The following SHROOM3 variants were observed in gnomAD, a reference collection of about 807,000 sequenced individuals.
SHROOM3 encodes shroom family member 3.
SHROOM3 carries 47 observed loss-of-function variants against 138.6 expected under a neutral mutation model. That is an observed-to-expected ratio of 0.34 (90% CI 0.27 to 0.43). The LOEUF is 0.43. Ranked by LOEUF, SHROOM3 falls within the 20% of genes least tolerant of loss-of-function variation. The probability of loss-of-function intolerance (pLI) is 1.00; values close to 1 mark genes in which losing one functional copy is unlikely to be tolerated. For missense variants in SHROOM3, 2,491 were observed against 2,596.5 expected, an observed-to-expected ratio of 0.96 and a Z score of 0.88; for synonymous variants, 1,062 against 1,063.3, an observed-to-expected ratio of 1.00 and a Z score of 0.02.
At chr4:76,639,510 C>G in intron 2 of SHROOM3, 1 of 398,486 alleles carries the variant, frequency 2.5e-6, no homozygotes. Context: ...TTCCTCTTCC[C>G]TCTGGGCTGC....
rs565223552 is a variant in SHROOM3, at chr4:76,475,999, C to A, written c.168+39779C>A. Reference sequence around the variant, plus strand: ...TACTGTTTTTTAAAAAAATTCTGTTCTAGAAATCACATGAAACAATCCTAC... The same window carrying A: ...TACTGTTTTTTAAAAAAATTCTGTTATAGAAATCACATGAAACAATCCTAC... On this transcript the variant is annotated intron_variant, in intron 1 of 10. Coordinates refer to ENST00000296043, the MANE Select transcript of SHROOM3 (RefSeq NM_020859.4). Among the ~76,000 whole-genome samples, 15 of 152,300 alleles carry A rather than the reference C, an allele frequency of 9.8e-5. No homozygotes were observed. The East Asian group carries it at 2.7e-3, about 27-fold the overall frequency.
intron 3 of SHROOM3, among the ~76,000 whole-genome samples, chr4:76,718,191 G>T (rs552132713): frequency 6.6e-6 from 1 of 152,146 alleles, no homozygotes; most frequent in Non-Finnish European, 1.5e-5. Context: ...TCTATATATA[G>T]AGAGATTACA....
At chr4:76,612,638 A>G (rs1734787032) in intron 2 of SHROOM3, among the ~76,000 whole-genome samples, 1 of 152,204 alleles carries the variant, frequency 6.6e-6, no homozygotes, top group Non-Finnish European at 1.5e-5. Flanking sequence ...GTTACATGTT[A>G]CAAATACTTT....
intron 2 of SHROOM3, among the ~76,000 whole-genome samples, chr4:76,672,488 C>CTTAAACTA (rs575443657): frequency 6.6e-6 from 1 of 150,774 alleles, no homozygotes; most frequent in Non-Finnish European, 1.5e-5. Context: ...GAACAGTAAG[C>CTTAAACTA]TTAAACTATG....
Position 76,782,921 on chromosome 4 carries a change from AC to A in SHROOM3, c.*3745del, listed in dbSNP as rs1225085634. On this transcript the variant is annotated 3_prime_UTR_variant, in exon 11 of 11. Coordinates refer to ENST00000296043, the MANE Select transcript of SHROOM3 (RefSeq NM_020859.4). ...CTTATTAATTTTTAAATAAAACTTCACATTTCTTAATGGGGAGCTCATTCAG... is the reference window on the plus strand; with the variant it reads ...CTTATTAATTTTTAAATAAAACTTCAATTTCTTAATGGGGAGCTCATTCAG... 1 of 152,314 alleles carries A rather than the reference AC, an allele frequency of 6.6e-6. No individual in the cohort carries two copies. The highest frequency in any genetic ancestry group is 1.9e-4 in the East Asian group (1 of 5,186). The allele number at this position is 152,314 out of a possible 1,614,324, so 9.4% of individuals were successfully genotyped here.
intron 2 of SHROOM3, among the ~76,000 whole-genome samples, chr4:76,660,531 A>G (rs992306805): frequency 2.0e-5 from 3 of 152,102 alleles, no homozygotes; most frequent in African/African-American, 7.2e-5. Context: ...GCTAGAGTGC[A>G]GTGGAGCAAT....
intron 2 of SHROOM3, chr4:76,573,425 A>AT (rs1733873532): frequency 7.7e-6 from 1 of 130,512 alleles, no homozygotes; most frequent in Non-Finnish European, 1.6e-5. Context: ...AATAATAATA[A>AT]TAATTTTTAT....
At chr4:76,489,851 T>A (rs1579189687) in intron 1 of SHROOM3, among the ~76,000 whole-genome samples, 1 of 152,184 alleles carries the variant, frequency 6.6e-6, no homozygotes, top group East Asian at 1.9e-4. Flanking sequence ...AGGTTCTTGG[T>A]GTTTTGAACA....
chr4:76,514,342 A>G (rs775927966), intron 1 of SHROOM3, among the ~76,000 whole-genome samples: 2 of 152,236 alleles, frequency 1.3e-5, no homozygotes, highest in Non-Finnish European at 2.9e-5. Context: ...ATGTACTGAT[A>G]CATGCTGCAA....
At chr4:76,603,222 T>C (rs1734542058) in intron 2 of SHROOM3, among the ~76,000 whole-genome samples, 2 of 152,080 alleles carry the variant, frequency 1.3e-5, no homozygotes, top group African/African-American at 4.8e-5. Flanking sequence ...ATCGAAACCA[T>C]CCTGGCTAAC....
At chr4:76,491,737 ACCCCC>A (rs911462331) in intron 1 of SHROOM3, among the ~76,000 whole-genome samples, 1 of 151,808 alleles carries the variant, frequency 6.6e-6, no homozygotes, top group Admixed American at 6.6e-5. Context: ...TGAAAAAAGC[ACCCCC>A]CAACCCTGGT....
At chr4:76,478,466 C>A (rs778265737) in intron 1 of SHROOM3, among the ~76,000 whole-genome samples, 29 of 152,238 alleles carry the variant, frequency 1.9e-4, no homozygotes, top group Non-Finnish European at 4.3e-4. Flanking sequence ...GAAAGAAAGG[C>A]AGAAGCCCCA....
chr4:76,617,469 G>A (rs2110064459), intron 2 of SHROOM3, among the ~76,000 whole-genome samples: 1 of 152,288 alleles, frequency 6.6e-6, no homozygotes, highest in East Asian at 1.9e-4. Context: ...GTCCCAGTGG[G>A]TGACATTATG....
chr4:76,577,592 CT>C (rs1733967562), intron 2 of SHROOM3, among the ~76,000 whole-genome samples: 1 of 152,202 alleles, frequency 6.6e-6, no homozygotes, highest in Non-Finnish European at 1.5e-5. Context: ...GTTTATCAAT[CT>C]TGTTAAAGGA....
chr4:76,714,485 C>T (rs1200898141), intron 3 of SHROOM3, among the ~76,000 whole-genome samples: 5 of 152,202 alleles, frequency 3.3e-5, no homozygotes, highest in Non-Finnish European at 5.9e-5. Context: ...ATAAGGGTTA[C>T]ATGATGTCAA....
At position 76,531,547 on chromosome 4, in the gene SHROOM3, A is replaced by G. The variant is rs1029037866; in HGVS notation, c.169-24062A>G. 2.0e-5 allele frequency among the ~76,000 whole-genome samples: 3 copies of G among 152,278 alleles called. No individual in the cohort carries two copies. In the East Asian group the frequency reaches 5.8e-4, roughly 29 times the overall value. On this transcript the variant is annotated intron_variant, in intron 1 of 10. Transcript: ENST00000296043. ...AGGTACTTGCTGTGATGTGAAAAAGACTAGAAACATCATCATCATCTCAGT... is the reference window on the plus strand; with the variant it reads ...AGGTACTTGCTGTGATGTGAAAAAGGCTAGAAACATCATCATCATCTCAGT...
intron 2 of SHROOM3, among the ~76,000 whole-genome samples, chr4:76,634,834 A>G (rs965288598): frequency 1.3e-5 from 2 of 152,216 alleles, no homozygotes; most frequent in Admixed American, 6.5e-5. Context: ...AAAGAGATGT[A>G]TTGAACTCTG....
rs1553929395 is a variant in SHROOM3 at position 76,620,091 on chromosome 4, A to AG, written c.323+64328_323+64329insG. On this transcript the variant is annotated intron_variant, in intron 2 of 10. Transcript: ENST00000296043. ...ATCTCAAAAAAAAAAAAAAAAAAAA[A>AG]AAGAAGAAAAGAAAAAGAAACAATA... is the stretch of plus-strand genomic sequence containing the variant. Among the ~76,000 whole-genome samples, 322 of 135,320 alleles carry AG rather than the reference A, an allele frequency of 2.4e-3. 9 individuals carry two copies. The East Asian group carries it at 0.063, about 27-fold the overall frequency. 88.8% of individuals were successfully genotyped at this position (135,320 alleles called of 152,430 possible). A position where few individuals can be genotyped will look rare whatever the true frequency, so the allele number is the denominator to read the frequency against.
chr4:76,767,922 G>T (rs1722216626), intron 9 of SHROOM3, among the ~76,000 whole-genome samples: 1 of 152,134 alleles, frequency 6.6e-6, no homozygotes, highest in African/African-American at 2.4e-5. Flanking sequence ...TAGAAATTCT[G>T]CTTCTCAGGA....
Sources: allele counts gnomAD v4.1 joint callset (sites outside exome capture counted in the v4.1 genomes callset), GRCh38; gene constraint gnomAD v4.1.1; transcripts MANE v1.5; gene names NCBI Gene and HGNC (gene_info 2026-07-23, HGNC 2026-07-21).